DOCK9: variants seen among roughly 807,000 people sequenced by gnomAD.
DOCK9 encodes dedicator of cytokinesis protein 9.
In DOCK9, 89 loss-of-function variants were observed where a neutral mutation model predicts 263.3. That is an observed-to-expected ratio of 0.34 (90% CI 0.28 to 0.40). The LOEUF is 0.40. Among genes scored for constraint, DOCK9 ranks in the 10% least tolerant of loss-of-function variants. The probability of loss-of-function intolerance (pLI) is 1.00; values close to 1 mark genes in which losing one functional copy is unlikely to be tolerated. For synonymous variants in DOCK9, 976 were observed against 973.1 expected, an observed-to-expected ratio of 1.00 and a Z score of -0.06; for missense variants, 2,140 against 2,603.4, an observed-to-expected ratio of 0.82 and a Z score of 3.87.
At chr13:99,035,931 G>A (rs567183789) in intron 1 of DOCK9, among the ~76,000 whole-genome samples, 4 of 152,210 alleles carry the variant, frequency 2.6e-5, no homozygotes, top group South Asian at 2.1e-4. Context: ...GAAAAGGACC[G>A]ACCTTTCCTG....
chr13:98,855,986 T>C lies in DOCK9; in HGVS notation c.3743A>G (p.Asn1248Ser), dbSNP rs1204781501. 1 of 1,613,930 alleles carries C rather than the reference T, an allele frequency of 6.2e-7. No homozygotes were observed. The highest frequency in any genetic ancestry group is 2.2e-5 in the East Asian group (1 of 44,882). The change falls in exon 34 of 53, where the codon AAT (asparagine) becomes AGT (serine). Residue 1248 changes from asparagine (N) to serine (S), a missense_variant. Transcript: ENST00000682017. ...TATGAGAGATCCTCTCGAATCAGCA[T>C]TTCTCACACTGTTGATGTTTGGAGT... Reference protein sequence around the residue: ...TSTPNINSVRNADSRGSLIST... With the variant: ...TSTPNINSVRSADSRGSLIST...
chr13:99,051,855 C>CAAA (rs11392986), intron 1 of DOCK9, among the ~76,000 whole-genome samples: 1,704 of 105,828 alleles, frequency 0.016, 72 homozygotes, highest in African/African-American at 0.043. Flanking sequence ...CCACTAGTGG[C>CAAA]AAAAAAAAAA....
chr13:98,967,013 C>T (rs552742247), intron 1 of DOCK9, among the ~76,000 whole-genome samples: 5 of 152,208 alleles, frequency 3.3e-5, no homozygotes, highest in Non-Finnish European at 5.9e-5. Flanking sequence ...GCCCTTCAGA[C>T]GATTCTGGTG....
intron 1 of DOCK9, among the ~76,000 whole-genome samples, chr13:98,999,978 A>G (rs1281958177): frequency 6.6e-6 from 1 of 152,180 alleles, no homozygotes; most frequent in Non-Finnish European, 1.5e-5. Flanking sequence ...GAACTGGTTA[A>G]AAAAAGAAAA....
At chr13:98,981,863 G>A (rs1470077378), upstream of DOCK9, among the ~76,000 whole-genome samples, 1 of 152,150 alleles carries the variant, frequency 6.6e-6, no homozygotes. Context: ...TAGAGGAAAT[G>A]CCATTTTACC....
At chr13:98,811,947 C>A (rs553354036) in intron 45 of DOCK9, among the ~76,000 whole-genome samples, 55 of 152,158 alleles carry the variant, frequency 3.6e-4, no homozygotes, top group South Asian at 2.1e-3. Flanking sequence ...TATAAATATT[C>A]TTTTTTGCAT....
chr13:98,881,842 A>G (rs1189205998), intron 24 of DOCK9, 50 bp downstream of exon 24: 6 of 1,457,298 alleles, frequency 4.1e-6, no homozygotes, highest in South Asian at 1.2e-5. Context: ...ACTATGCTCC[A>G]GATGTGGACA....
intron 2 of DOCK9, among the ~76,000 whole-genome samples, chr13:98,946,338 C>T (rs375154245): frequency 6.6e-6 from 1 of 152,096 alleles, no homozygotes; most frequent in African/African-American, 2.4e-5. Flanking sequence ...AAGGCTGTGG[C>T]GATGGTTCCA....
At chr13:98,929,647 G>C (rs1422072426) in intron 3 of DOCK9, among the ~76,000 whole-genome samples, 1 of 151,450 alleles carries the variant, frequency 6.6e-6, no homozygotes, top group Non-Finnish European at 1.5e-5. Context: ...AATGTATCTT[G>C]ATTAGGAATA....
chr13:98,834,879 TAC>T (rs144100146), intron 39 of DOCK9, among the ~76,000 whole-genome samples: 27 of 150,818 alleles, frequency 1.8e-4, no homozygotes, highest in South Asian at 2.1e-4. Context: ...TTCTCTCTCA[TAC>T]ACACACACAC....
chr13:99,018,325 TTC>T (rs1330175580), intron 1 of DOCK9, among the ~76,000 whole-genome samples: 3 of 152,212 alleles, frequency 2.0e-5, no homozygotes, highest in African/African-American at 7.2e-5. Flanking sequence ...CTCTTGCATG[TTC>T]TCTTTTCCTT....
chr13:98,877,043 A>G (rs562779919), intron 27 of DOCK9, among the ~76,000 whole-genome samples: 9 of 152,344 alleles, frequency 5.9e-5, no homozygotes, highest in African/African-American at 2.2e-4. Context: ...GCATGGTAGC[A>G]TTTGAGTGGT....
intron 1 of DOCK9, among the ~76,000 whole-genome samples, chr13:98,999,313 C>G (rs1881774084): frequency 7.4e-6 from 1 of 134,640 alleles, no homozygotes; most frequent in Non-Finnish European, 1.6e-5. Flanking sequence ...CACACACACA[C>G]ACACTCTCTC....
intron 52 of DOCK9, 21 bp from the exon 53 acceptor site, chr13:98,794,769 G>C (rs569691232): frequency 5.6e-6 from 9 of 1,613,078 alleles, no homozygotes; most frequent in Admixed American, 1.7e-5. Flanking sequence ...GAAACACAAC[G>C]TTACTGAGGG....
chr13:98,902,152 A>G, intron 12 of DOCK9, 136 bp downstream of exon 12: 1 of 1,045,378 alleles, frequency 9.6e-7, no homozygotes, highest in Non-Finnish European at 1.3e-6. Context: ...TTTACTGTCT[A>G]ATAATAAATA....
chr13:99,068,906 T>C (rs2041549639), intron 1 of DOCK9, among the ~76,000 whole-genome samples: 1 of 152,172 alleles, frequency 6.6e-6, no homozygotes, highest in African/African-American at 2.4e-5. Context: ...GCTATCACCA[T>C]AGGAACTCTG....
At chr13:98,880,065 G>T in intron 26 of DOCK9, 96 bp from the exon 27 acceptor site, 1 of 956,820 alleles carries the variant, frequency 1.0e-6, no homozygotes, top group Non-Finnish European at 1.6e-6. Context: ...ACATAAAGCA[G>T]GTGTGACCCT....
intron 1 of DOCK9, among the ~76,000 whole-genome samples, chr13:98,991,048 T>C (rs1324984): frequency 0.48 from 73,499 of 151,694 alleles, 18,000 homozygotes; most frequent in East Asian, 0.65. Context: ...TGTCTGAAAG[T>C]GGACTAAAAG....
chr13:98,970,914 C>G (rs544247006), intron 1 of DOCK9, among the ~76,000 whole-genome samples: 1 of 152,168 alleles, frequency 6.6e-6, no homozygotes, highest in Non-Finnish European at 1.5e-5. Flanking sequence ...AACCCATTCC[C>G]TTGGTCTTAC....
Sources: allele counts gnomAD v4.1 joint callset (sites outside exome capture counted in the v4.1 genomes callset), GRCh38; gene constraint gnomAD v4.1.1; transcripts MANE v1.5; gene names NCBI Gene and HGNC (gene_info 2026-07-23, HGNC 2026-07-21).